A1CF: variants seen among roughly 807,000 people sequenced by gnomAD.
A1CF encodes the protein APOBEC1 complementation factor.
A neutral mutation model predicts 68.9 loss-of-function variants in A1CF; 48 were observed. The observed-to-expected ratio is 0.70, with a 90% CI of 0.55 to 0.89. The LOEUF is 0.89. Among genes scored for constraint, A1CF ranks in the 40% least tolerant of loss-of-function variants. The probability of loss-of-function intolerance (pLI) is 0.00; values close to 1 mark genes in which losing one functional copy is unlikely to be tolerated. For missense variants in A1CF, 653 were observed against 718.9 expected (o/e 0.91, Z 1.05); for synonymous variants, 272 against 260.4 (o/e 1.04, Z -0.43).
At chr10:50,862,633 T>C (rs1441528487) in intron 2 of A1CF, among the ~76,000 whole-genome samples, 2 of 152,190 alleles carry the variant, frequency 1.3e-5, no homozygotes, top group African/African-American at 4.8e-5. Context: ...CATTGCATTT[T>C]AGGGGGAATC....
In A1CF at chr10:50,843,976, A is replaced by T. The variant is rs200628424; in HGVS notation, c.234+12T>A. Reference sequence around the variant, plus strand: ...AACGATAAGAAAAATTAAATGTTAAATTTGGACTCACTTTTTCACATAATG... The same window carrying T: ...AACGATAAGAAAAATTAAATGTTAATTTTGGACTCACTTTTTCACATAATG... On this transcript the variant is annotated intron_variant, in intron 4 of 12. Coordinates refer to ENST00000373997, the MANE Select transcript of A1CF (RefSeq NM_014576.4). 416 of 1,612,618 alleles carry T rather than the reference A, an allele frequency of 2.6e-4. 1 individual carries two copies. In the African/African-American group the frequency reaches 4.8e-3, roughly 18 times the overall value.
At chr10:50,829,221 GTTGTTTTGTT>G (rs577815911) in intron 6 of A1CF, among the ~76,000 whole-genome samples, 1 of 151,836 alleles carries the variant, frequency 6.6e-6, no homozygotes, top group African/African-American at 2.4e-5. Flanking sequence ...CTTTTTTGTT[GTTGTTTTGTT>G]TTGTTTTGTT....
intron 6 of A1CF, among the ~76,000 whole-genome samples, chr10:50,830,524 T>A (rs745744522): frequency 3.3e-5 from 5 of 152,126 alleles, no homozygotes; most frequent in African/African-American, 4.8e-5. Context: ...ATTTATAGTA[T>A]CATCCCCCCA....
intron 7 of A1CF, among the ~76,000 whole-genome samples, chr10:50,821,746 A>C (rs986063074): frequency 1.3e-5 from 2 of 152,276 alleles, no homozygotes; most frequent in South Asian, 4.1e-4. Flanking sequence ...CATGTTGGTC[A>C]GGCTGGTCTC....
At chr10:50,876,961 T>A (rs1440538595) in intron 1 of A1CF, among the ~76,000 whole-genome samples, 2 of 152,240 alleles carry the variant, frequency 1.3e-5, no homozygotes, top group African/African-American at 4.8e-5. Context: ...GTTTTTGTGC[T>A]GTTATTGTTC....
intron 3 of A1CF, among the ~76,000 whole-genome samples, chr10:50,847,902 T>C (rs557595406): frequency 1.2e-4 from 19 of 152,292 alleles, no homozygotes; most frequent in African/African-American, 3.4e-4. Flanking sequence ...TCTTAAAAGC[T>C]TACCCTTGAA....
At chr10:50,850,504 A>G in intron 3 of A1CF, 1 of 972,474 alleles carries the variant, frequency 1.0e-6, no homozygotes, top group Non-Finnish European at 1.6e-6. Flanking sequence ...CAAAATTAGA[A>G]AACAGAAAAC....
At chr10:50,873,879 A>G (rs1284646746) in intron 1 of A1CF, among the ~76,000 whole-genome samples, 1 of 152,202 alleles carries the variant, frequency 6.6e-6, no homozygotes, top group Non-Finnish European at 1.5e-5. Flanking sequence ...CAGAGAAAAA[A>G]TACCATAGGA....
intron 8 of A1CF, among the ~76,000 whole-genome samples, chr10:50,820,291 TCTC>T (rs572265028): frequency 3.5e-4 from 53 of 152,204 alleles, no homozygotes; most frequent in Admixed American, 9.8e-4. Context: ...TCTACTTAAA[TCTC>T]CTCTTTCCAT....
intron 2 of A1CF, among the ~76,000 whole-genome samples, chr10:50,862,147 C>T (rs898474378): frequency 6.6e-6 from 1 of 151,964 alleles, no homozygotes. Flanking sequence ...AGGCAGATCA[C>T]CTGAGGTCAG....
At chr10:50,835,465 A>C (rs1169705596) in intron 6 of A1CF, among the ~76,000 whole-genome samples, 1 of 152,164 alleles carries the variant, frequency 6.6e-6, no homozygotes, top group Non-Finnish European at 1.5e-5. Flanking sequence ...AAGAACTGTA[A>C]AAAATTTTCC....
Position 50,848,909 on chromosome 10 carries a change from A to G in A1CF, c.100-4787T>C, listed in dbSNP as rs980423546. Among the ~76,000 whole-genome samples, 11 of 152,172 alleles carry G rather than the reference A, an allele frequency of 7.2e-5. No homozygotes were observed. The East Asian group carries it at 1.2e-3, about 16-fold the overall frequency. ...TGGTTCTGTGATCAGACTCCTGTGC[A>G]TGGTTCTTAAAGTTGACAACAAGGC... On this transcript the variant is annotated intron_variant, in intron 3 of 12. Transcript: ENST00000373997.
At chr10:50,840,101 T>A (rs1193710167) in intron 5 of A1CF, among the ~76,000 whole-genome samples, 1 of 152,156 alleles carries the variant, frequency 6.6e-6, no homozygotes, top group Non-Finnish European at 1.5e-5. Context: ...AAGGATAATG[T>A]ATGACTTCTT....
chr10:50,859,790 C>A (rs1840655977), intron 3 of A1CF, 52 bp downstream of exon 3: 1 of 1,532,026 alleles, frequency 6.5e-7, no homozygotes. Flanking sequence ...CCAATATTCC[C>A]ACCACTGTGC....
intron 4 of A1CF, among the ~76,000 whole-genome samples, chr10:50,843,672 G>A (rs1238912262): frequency 6.6e-6 from 1 of 152,104 alleles, no homozygotes; most frequent in Non-Finnish European, 1.5e-5. Flanking sequence ...TCTAATTTTA[G>A]ACAGGTTATT....
intron 1 of A1CF, among the ~76,000 whole-genome samples, chr10:50,881,690 A>G (rs1841779003): frequency 6.6e-6 from 1 of 152,202 alleles, no homozygotes; most frequent in South Asian, 2.1e-4. Context: ...TGCAGGTGGG[A>G]TTTTATAGAA....
intron 6 of A1CF, among the ~76,000 whole-genome samples, chr10:50,834,473 A>G (rs1839391647): frequency 6.6e-6 from 1 of 152,236 alleles, no homozygotes; most frequent in African/African-American, 2.4e-5. Context: ...TGTCTAGGTC[A>G]TTGAGGTGTC....
At chr10:50,828,785 T>C (rs1188509296) in intron 6 of A1CF, among the ~76,000 whole-genome samples, 1 of 152,086 alleles carries the variant, frequency 6.6e-6, no homozygotes, top group Admixed American at 6.6e-5. Flanking sequence ...AAAAATGGTG[T>C]TTGGGCAAAG....
rs946343084 is a variant in A1CF, at chr10:50,804,393, T to G, written c.*2336A>C. On this transcript the variant is annotated 3_prime_UTR_variant, in exon 13 of 13. Coordinates refer to ENST00000373997, the MANE Select transcript of A1CF (RefSeq NM_014576.4). ...ATTTAAAACTTCTCTAAATCAAACC[T>G]AATTTGCATTGACAAGACATCCAGA... 10 of 152,326 alleles carry G rather than the reference T, an allele frequency of 6.6e-5. No homozygotes were observed. The highest frequency in any genetic ancestry group is 2.4e-4 in the African/African-American group (10 of 41,594). The allele number at this position is 152,326 out of a possible 1,614,324, so 9.4% of individuals were successfully genotyped here.
Sources: allele counts gnomAD v4.1 joint callset (sites outside exome capture counted in the v4.1 genomes callset), GRCh38; gene constraint gnomAD v4.1.1; transcripts MANE v1.5; gene names NCBI Gene and HGNC (gene_info 2026-07-23, HGNC 2026-07-21).